The following CNTN5 variants were observed in gnomAD, a reference collection of about 807,000 sequenced individuals.
The protein encoded by CNTN5 is contactin-5.
A neutral mutation model predicts 129.1 loss-of-function variants in CNTN5; 77 were observed. The ratio of observed to expected loss-of-function variants is 0.60; its 90% CI spans 0.50 to 0.72. The LOEUF (loss-of-function observed/expected upper bound fraction) is 0.72. Among genes scored for constraint, CNTN5 ranks in the 30% least tolerant of loss-of-function variants. The pLI is 0.00. For missense variants in CNTN5, 1,478 were observed against 1,328.8 expected (o/e 1.11, Z -1.75); for synonymous variants, 509 against 465.6 (o/e 1.09, Z -1.20).
chr11:99,601,878 T>C (rs1466651403), intron 3 of CNTN5, among the ~76,000 whole-genome samples: 4 of 152,188 alleles, frequency 2.6e-5, no homozygotes, highest in African/African-American at 9.7e-5. Flanking sequence ...GTTACTTTGC[T>C]CAATAGTAGA....
intron 8 of CNTN5, among the ~76,000 whole-genome samples, chr11:99,990,394 C>CAA (rs201791378): frequency 2.7e-5 from 4 of 146,228 alleles, no homozygotes; most frequent in East Asian, 4.0e-4. Flanking sequence ...GGCTATTTTC[C>CAA]AAAAAAAAAT....
At chr11:99,544,984 A>T (rs914647176) in intron 2 of CNTN5, among the ~76,000 whole-genome samples, 4 of 152,236 alleles carry the variant, frequency 2.6e-5, no homozygotes, top group African/African-American at 7.2e-5. Context: ...CCAACAACAT[A>T]GAAGACCACT....
chr11:99,851,695 G>A (rs538421653), intron 6 of CNTN5, among the ~76,000 whole-genome samples: 5 of 152,228 alleles, frequency 3.3e-5, no homozygotes, highest in South Asian at 2.1e-4. Flanking sequence ...GCTTTTCAGC[G>A]CATTTAGTGA....
intron 8 of CNTN5, among the ~76,000 whole-genome samples, chr11:99,990,481 C>CAT (rs1939006355): frequency 6.6e-6 from 1 of 151,486 alleles, no homozygotes; most frequent in Non-Finnish European, 1.5e-5. Context: ...CACACACACA[C>CAT]ACATACATAC....
At chr11:99,973,601 G>T (rs1014809612) in intron 8 of CNTN5, among the ~76,000 whole-genome samples, 30 of 151,990 alleles carry the variant, frequency 2.0e-4, no homozygotes, top group Admixed American at 1.5e-3. Context: ...CATTTTAAAT[G>T]ATTTCCTTCC....
intron 1 of CNTN5, among the ~76,000 whole-genome samples, chr11:99,268,513 C>T (rs950052146): frequency 6.6e-6 from 1 of 151,478 alleles, no homozygotes; most frequent in African/African-American, 2.4e-5. Flanking sequence ...CATTATTAGT[C>T]CCTACATTGT....
chr11:99,264,070 C>G (rs1215265528), intron 1 of CNTN5, among the ~76,000 whole-genome samples: 1 of 151,856 alleles, frequency 6.6e-6, no homozygotes, highest in East Asian at 1.9e-4. Flanking sequence ...GAAAAAATAT[C>G]AGTTACACAC....
At chr11:99,622,800 C>T (rs1950995221) in intron 3 of CNTN5, among the ~76,000 whole-genome samples, 1 of 151,124 alleles carries the variant, frequency 6.6e-6, no homozygotes, top group East Asian at 2.0e-4. Context: ...TTGATTTTTC[C>T]CCATGGTATT....
At position 99,099,594 on chromosome 11, in the gene CNTN5, G is replaced by A. The variant is rs187297230; in HGVS notation, c.-210+78324G>A. Among the ~76,000 whole-genome samples, 153 of 151,158 alleles carry A rather than the reference G, an allele frequency of 1.0e-3. 2 individuals carry two copies. The East Asian group carries it at 0.012, about 12-fold the overall frequency. The stretch of plus-strand genomic sequence containing the variant: ...CACACACACACAGCATAGGCACTTA[G>A]CACAGTGCTGCACACATATTATACA... On this transcript the variant is annotated intron_variant, in intron 1 of 24. Coordinates refer to ENST00000524871, the MANE Select transcript of CNTN5 (RefSeq NM_014361.4).
At chr11:100,255,968 T>C in intron 17 of CNTN5, 50 bp downstream of exon 17, 3 of 1,535,172 alleles carry the variant, frequency 2.0e-6, no homozygotes, top group Middle Eastern at 1.7e-4. Flanking sequence ...GCCTTCTATC[T>C]CATAAGCTAT....
chr11:99,839,403 C>T (rs1234904282), intron 4 of CNTN5, among the ~76,000 whole-genome samples: 1 of 151,944 alleles, frequency 6.6e-6, no homozygotes, highest in African/African-American at 2.4e-5. Context: ...ACTACTATGA[C>T]AAGCGTTTTA....
chr11:99,633,171 T>C (rs2135809916), intron 3 of CNTN5, among the ~76,000 whole-genome samples: 1 of 152,248 alleles, frequency 6.6e-6, no homozygotes, highest in Middle Eastern at 3.4e-3. Context: ...ACTTTCAGTT[T>C]CTCAGTGGCC....
chr11:99,736,826 T>G (rs993588885), intron 3 of CNTN5, among the ~76,000 whole-genome samples: 4 of 152,274 alleles, frequency 2.6e-5, no homozygotes, highest in Non-Finnish European at 5.9e-5. Context: ...TACAGTCTTA[T>G]TTATATATAA....
At chr11:99,879,478 G>A (rs1948717742) in intron 6 of CNTN5, among the ~76,000 whole-genome samples, 1 of 152,176 alleles carries the variant, frequency 6.6e-6, no homozygotes, top group South Asian at 2.1e-4. Flanking sequence ...GACAGAACAG[G>A]TAAACATAGA....
intron 9 of CNTN5, among the ~76,000 whole-genome samples, chr11:100,039,297 C>A (rs1591107154): frequency 6.6e-6 from 1 of 152,148 alleles, no homozygotes; most frequent in African/African-American, 2.4e-5. Flanking sequence ...AATATTGGCC[C>A]CCACTCTCTT....
chr11:99,710,425 G>C (rs1954926956), intron 3 of CNTN5, among the ~76,000 whole-genome samples: 1 of 151,790 alleles, frequency 6.6e-6, no homozygotes, highest in Admixed American at 6.6e-5. Flanking sequence ...TTAAGGGTGT[G>C]TGTCTGTTGT....
chr11:100,255,149 T>A (rs1208779240), intron 16 of CNTN5, among the ~76,000 whole-genome samples: 1 of 152,224 alleles, frequency 6.6e-6, no homozygotes, highest in Non-Finnish European at 1.5e-5. Context: ...TAATCATAGA[T>A]CACAGTCTCC....
chr11:99,037,582 T>TC (rs1480590122), intron 1 of CNTN5, among the ~76,000 whole-genome samples: 36 of 142,316 alleles, frequency 2.5e-4, no homozygotes, highest in African/African-American at 9.1e-4. Flanking sequence ...TTTTCTTTTT[T>TC]TTTTTTTTTT....
chr11:99,949,248 C>T (rs978900008), intron 7 of CNTN5, among the ~76,000 whole-genome samples: 2 of 152,108 alleles, frequency 1.3e-5, no homozygotes, highest in East Asian at 1.9e-4. Flanking sequence ...TGTCGTTATG[C>T]CCACTGGTGT....
Sources: allele counts gnomAD v4.1 joint callset (sites outside exome capture counted in the v4.1 genomes callset), GRCh38; gene constraint gnomAD v4.1.1; transcripts MANE v1.5; gene names NCBI Gene and HGNC (gene_info 2026-07-23, HGNC 2026-07-21).